AGBL1: variants seen among roughly 807,000 people sequenced by gnomAD.
AGBL1 encodes cytosolic carboxypeptidase 4.
Under a neutral mutation model 118.9 loss-of-function variants are expected in AGBL1, and 130 were observed. The observed-to-expected ratio is 1.09, with a 90% CI of 0.95 to 1.26. The LOEUF is 1.26. Ranked by LOEUF, AGBL1 falls within the 50% of genes most tolerant of loss-of-function variation. AGBL1 has a pLI of 0.00. For missense variants in AGBL1, 1,584 were observed against 1,298.1 expected, an observed-to-expected ratio of 1.22 and a Z score of -3.38; for synonymous variants, 555 against 478.9, an observed-to-expected ratio of 1.16 and a Z score of -2.08.
chr15:86,628,058 C>T (rs1029702350), intron 21 of AGBL1, among the ~76,000 whole-genome samples: 11 of 152,202 alleles, frequency 7.2e-5, no homozygotes, highest in Non-Finnish European at 1.5e-4. Flanking sequence ...TGCAGGTGTC[C>T]TCTGTCTTTC....
chr15:87,014,570 GTTA>G (rs750215154), intron 24 of AGBL1, among the ~76,000 whole-genome samples: 5 of 151,916 alleles, frequency 3.3e-5, no homozygotes, highest in Non-Finnish European at 7.4e-5. Context: ...ATCTAGGCGA[GTTA>G]TTATGATTAC....
chr15:86,294,496 T>C lies in AGBL1; in HGVS notation c.2221-759T>C, dbSNP rs140607946. ...TTTTTTTAAATGAGTATTGGGGAGG[T>C]ATGGTAGGAAAAATTTGTTGCTATT... On this transcript the variant is annotated intron_variant, in intron 16 of 22. Transcript: ENST00000614907. Among the ~76,000 whole-genome samples the C allele has an allele frequency of 7.6e-5, 11 of 144,234 alleles. No homozygotes were observed. In the Admixed American group the frequency reaches 7.8e-4, roughly 10 times the overall value. The allele number at this position is 144,234 out of a possible 152,430, so 94.6% of individuals were successfully genotyped here.
intron 21 of AGBL1, among the ~76,000 whole-genome samples, chr15:86,567,964 G>T (rs1449761521): frequency 6.6e-6 from 1 of 152,076 alleles, no homozygotes; most frequent in Non-Finnish European, 1.5e-5. Flanking sequence ...TTTGAGACAA[G>T]TTTTTGTTTT....
chr15:86,884,243 G>A (rs1348342571), intron 22 of AGBL1, among the ~76,000 whole-genome samples: 3 of 152,186 alleles, frequency 2.0e-5, no homozygotes, highest in Non-Finnish European at 4.4e-5. Context: ...TAACCAGGAT[G>A]GCTGAGTGAC....
intron 1 of AGBL1, among the ~76,000 whole-genome samples, chr15:86,090,463 T>G (rs1895947680): frequency 6.6e-6 from 1 of 152,226 alleles, no homozygotes; most frequent in Non-Finnish European, 1.5e-5. Context: ...TCTATCATTA[T>G]ATACCTATAT....
intron 18 of AGBL1, among the ~76,000 whole-genome samples, chr15:86,445,827 C>A (rs1189907855): frequency 6.6e-6 from 1 of 152,160 alleles, no homozygotes; most frequent in African/African-American, 2.4e-5. Flanking sequence ...AATTACAGCA[C>A]GTTGTATTAA....
intron 3 of AGBL1, among the ~76,000 whole-genome samples, chr15:86,145,512 C>T (rs556371519): frequency 9.2e-5 from 14 of 152,294 alleles, no homozygotes; most frequent in Admixed American, 5.9e-4. Flanking sequence ...CTCAGATCCT[C>T]TGAAAAGTGG....
At chr15:86,351,892 A>T (rs1353781845) in intron 17 of AGBL1, among the ~76,000 whole-genome samples, 1 of 152,194 alleles carries the variant, frequency 6.6e-6, no homozygotes, top group African/African-American at 2.4e-5. Context: ...TTTTGACAAA[A>T]CATAGACCAA....
intron 21 of AGBL1, among the ~76,000 whole-genome samples, chr15:86,590,877 T>C (rs1198969761): frequency 6.6e-6 from 1 of 152,224 alleles, no homozygotes; most frequent in Non-Finnish European, 1.5e-5. Flanking sequence ...TGTAAAACAC[T>C]TTTATTTTCC....
intron 21 of AGBL1, among the ~76,000 whole-genome samples, chr15:86,646,622 T>C (rs1222749557): frequency 6.6e-6 from 1 of 152,154 alleles, no homozygotes; most frequent in East Asian, 1.9e-4. Context: ...TGAACAATAG[T>C]ATACTCTGCC....
chr15:86,391,184 A>G (rs1328356488), intron 17 of AGBL1, among the ~76,000 whole-genome samples: 1 of 152,134 alleles, frequency 6.6e-6, no homozygotes, highest in Admixed American at 6.5e-5. Context: ...ATTGACTTGT[A>G]ACATAAAATT....
intron 18 of AGBL1, among the ~76,000 whole-genome samples, chr15:86,410,828 A>ATTT (rs1567242774): frequency 4.2e-5 from 4 of 94,360 alleles, no homozygotes; most frequent in African/African-American, 8.4e-5. Flanking sequence ...ATATATATAT[A>ATTT]TATATATATA....
At chr15:86,261,720 C>T (rs1213831251) in intron 9 of AGBL1, among the ~76,000 whole-genome samples, 2 of 151,928 alleles carry the variant, frequency 1.3e-5, no homozygotes, top group Non-Finnish European at 2.9e-5. Flanking sequence ...GACCCTACAA[C>T]CCTTGGAAAA....
intron 23 of AGBL1, among the ~76,000 whole-genome samples, chr15:86,934,085 A>G (rs536928038): frequency 7.9e-5 from 12 of 152,320 alleles, no homozygotes; most frequent in African/African-American, 2.6e-4. Flanking sequence ...CCTGCACTAT[A>G]CTTTTAATAG....
intron 22 of AGBL1, among the ~76,000 whole-genome samples, chr15:86,905,827 T>G (rs1190594344): frequency 6.6e-6 from 1 of 152,180 alleles, no homozygotes. Flanking sequence ...GGGCAGCTCT[T>G]GCCTTCCTTT....
At chr15:86,969,526 T>C (rs1276552658) in intron 23 of AGBL1, among the ~76,000 whole-genome samples, 1 of 151,866 alleles carries the variant, frequency 6.6e-6, no homozygotes. Context: ...CACATACGCA[T>C]AGGCAAGTGT....
At chr15:86,258,155 C>A in intron 9 of AGBL1, 124 bp downstream of exon 9, 1 of 913,108 alleles carries the variant, frequency 1.1e-6, no homozygotes, top group Non-Finnish European at 1.7e-6. Context: ...ACTGCCACTC[C>A]AGTGGTCGTG....
At chr15:86,542,410 A>G (rs528792886) in intron 19 of AGBL1, among the ~76,000 whole-genome samples, 25 of 134,874 alleles carry the variant, frequency 1.9e-4, no homozygotes, top group African/African-American at 7.2e-4. Context: ...CTTTTTGACC[A>G]GGCTGGAGTG....
At chr15:87,003,714 A>T (rs191005474) in intron 24 of AGBL1, among the ~76,000 whole-genome samples, 94 of 152,242 alleles carry the variant, frequency 6.2e-4, no homozygotes, top group African/African-American at 2.1e-3. Flanking sequence ...GGGAGGGTGT[A>T]TGTGTCAAGG....
Sources: gnomAD v4.1 joint callset for allele counts (sites outside exome capture counted in the v4.1 genomes callset) on GRCh38, gnomAD v4.1.1 for gene constraint, MANE v1.5 for transcripts, NCBI Gene and HGNC (gene_info 2026-07-23, HGNC 2026-07-21) for gene names.